Variants in SAP130 observed in about 807,000 individuals in gnomAD.
SAP130 encodes histone deacetylase complex subunit SAP130.
A neutral mutation model predicts 103.2 loss-of-function variants in SAP130; 16 were observed. The observed-to-expected ratio is 0.16, with a 90% CI of 0.10 to 0.24. The LOEUF (loss-of-function observed/expected upper bound fraction) is 0.24, where lower values mean the gene tolerates loss of function less well. SAP130 is among the 10% of genes least tolerant of loss of function. The pLI, the probability that SAP130 is intolerant of heterozygous loss-of-function variation, is 1.00. For missense variants in SAP130, 990 were observed against 1,359.7 expected, an observed-to-expected ratio of 0.73 and a Z score of 4.28; for synonymous variants, 477 against 497.0, an observed-to-expected ratio of 0.96 and a Z score of 0.53.
chr2:127,983,587 A>G (rs1682121427), intron 14 of SAP130, among the ~76,000 whole-genome samples: 1 of 152,120 alleles, frequency 6.6e-6, no homozygotes, highest in African/African-American at 2.4e-5. Flanking sequence ...AGAAGAGACA[A>G]GGGCACTGGG....
chr2:128,024,373 G>A (rs573954442), intron 2 of SAP130, among the ~76,000 whole-genome samples: 5 of 151,868 alleles, frequency 3.3e-5, no homozygotes, highest in Non-Finnish European at 7.4e-5. Flanking sequence ...AAATGAGGCT[G>A]GAACATTAGA....
At chr2:127,960,556 ACATTTACTTATAT>A (rs1338048223) in intron 15 of SAP130, among the ~76,000 whole-genome samples, 4 of 152,244 alleles carry the variant, frequency 2.6e-5, no homozygotes, top group Admixed American at 2.6e-4. Flanking sequence ...TAAAAAAATT[ACATTTACTTATAT>A]TGACAGCTAT....
At chr2:127,999,111 A>G (rs990508734) in intron 10 of SAP130, among the ~76,000 whole-genome samples, 2 of 152,204 alleles carry the variant, frequency 1.3e-5, no homozygotes, top group Non-Finnish European at 2.9e-5. Flanking sequence ...AAAAGACCCA[A>G]TAGTAGCACC....
At chr2:128,008,081 G>A (rs1684099396) in intron 7 of SAP130, among the ~76,000 whole-genome samples, 2 of 152,096 alleles carry the variant, frequency 1.3e-5, no homozygotes, top group South Asian at 4.1e-4. Flanking sequence ...TAGCTGACAG[G>A]TCCTAGTGGT....
intron 4 of SAP130, among the ~76,000 whole-genome samples, 181 bp from the exon 5 acceptor site, chr2:128,015,095 C>CTA (rs1259712233): frequency 6.6e-6 from 1 of 152,108 alleles, no homozygotes. Context: ...ATGAACTGTG[C>CTA]TAACAGGCAT....
At chr2:127,983,301 T>C (rs1438923195) in intron 14 of SAP130, among the ~76,000 whole-genome samples, 4 of 152,262 alleles carry the variant, frequency 2.6e-5, no homozygotes, top group African/African-American at 7.2e-5. Flanking sequence ...TTGAATTTTA[T>C]AATGGATACT....
At chr2:128,017,653 G>C in intron 3 of SAP130, 27 bp downstream of exon 3, 2 of 1,575,202 alleles carry the variant, frequency 1.3e-6, no homozygotes. Context: ...CTCTGGTTCA[G>C]TGTGAAGTTT....
chr2:127,984,871 T>C (rs1573742000), intron 14 of SAP130, among the ~76,000 whole-genome samples: 1 of 152,166 alleles, frequency 6.6e-6, no homozygotes, highest in African/African-American at 2.4e-5. Context: ...AGGTAGAAAA[T>C]GGGATTCTGG....
rs1682453748 is a variant in SAP130 at position 127,987,037 on chromosome 2, G to C, written c.1781-75C>G. 2.3e-6 allele frequency: 3 copies of C among 1,309,178 alleles called. No individual in the cohort carries two copies. The South Asian group carries it at 3.9e-5, about 17-fold the overall frequency. The allele number at this position is 1,309,178 out of a possible 1,614,324, so 81.1% of individuals were successfully genotyped here. A position where few individuals can be genotyped will look rare whatever the true frequency, so the allele number is the denominator to read the frequency against. On this transcript the variant is annotated intron_variant, in intron 13 of 20. Transcript: ENST00000643581. The stretch of plus-strand genomic sequence containing the variant: ...TGCCATAGAAGACATAAATAAAAAT[G>C]ATGAGACCACTAGAATTAGGTATCC...
Position 127,955,351 on chromosome 2 carries a change from C to T in SAP130, c.2064-7G>A. The T allele has an allele frequency of 6.5e-7, 1 of 1,536,952 alleles. No homozygotes were observed. The highest frequency in any genetic ancestry group is 8.8e-7 in the Non-Finnish European group (1 of 1,139,598). Reference sequence around the variant, plus strand: ...TTCAGACTTGGGTTTGGCACTAAAACACAAAAGAAAAGCACATGTAGCAAA... The same window carrying T: ...TTCAGACTTGGGTTTGGCACTAAAATACAAAAGAAAAGCACATGTAGCAAA... On this transcript the variant is annotated splice_polypyrimidine_tract_variant and splice_region_variant and intron_variant, in intron 15 of 20. Transcript: ENST00000643581. The surrounding 1 kb of genome is among the most constrained non-coding windows in gnomAD (Gnocchi z 4.9).
At chr2:127,972,168 G>C (rs1176952728) in intron 15 of SAP130, among the ~76,000 whole-genome samples, 1 of 152,176 alleles carries the variant, frequency 6.6e-6, no homozygotes, top group East Asian at 1.9e-4. Flanking sequence ...GCAAATCCAA[G>C]AAAGAGTCTA....
intron 2 of SAP130, among the ~76,000 whole-genome samples, chr2:128,022,453 T>A (rs1685224057): frequency 6.6e-6 from 1 of 152,268 alleles, no homozygotes. Flanking sequence ...ACATATATTT[T>A]CATTTACCTT....
Position 127,947,918 on chromosome 2 carries a change from T to C in SAP130, c.2797+1951A>G, listed in dbSNP as rs924683859. Among the ~76,000 whole-genome samples the C allele has an allele frequency of 5.9e-5, 9 of 152,102 alleles. 1 individual carries two copies. The highest frequency in any genetic ancestry group is 1.2e-4 in the Non-Finnish European group (8 of 68,016). The stretch of plus-strand genomic sequence containing the variant: ...AATTCTCCTGCCTCAGCCTCCTGAA[T>C]AGTTGAAATTACAGGTGTGTACCAC... On this transcript the variant is annotated intron_variant, in intron 18 of 20. Transcript: ENST00000643581.
intron 15 of SAP130, among the ~76,000 whole-genome samples, chr2:127,971,743 A>G (rs1330415474): frequency 6.6e-6 from 1 of 152,026 alleles, no homozygotes; most frequent in African/African-American, 2.4e-5. Context: ...AGTCTTTTGT[A>G]TTTGAACTTT....
intron 14 of SAP130, among the ~76,000 whole-genome samples, chr2:127,982,740 T>G (rs1393454307): frequency 6.6e-6 from 1 of 152,194 alleles, no homozygotes; most frequent in African/African-American, 2.4e-5. Flanking sequence ...AAGTCTGGTT[T>G]TGACAAAGCG....
chr2:127,968,910 T>TTTTG (rs1257864947), intron 15 of SAP130, among the ~76,000 whole-genome samples: 2 of 152,130 alleles, frequency 1.3e-5, no homozygotes, highest in African/African-American at 2.4e-5. Flanking sequence ...CCAACATCAG[T>TTTTG]TTTGCAGATG....
At chr2:128,023,086 C>T (rs1685262962) in intron 2 of SAP130, among the ~76,000 whole-genome samples, 1 of 151,974 alleles carries the variant, frequency 6.6e-6, no homozygotes, top group Non-Finnish European at 1.5e-5. Flanking sequence ...CTCTGCCTCC[C>T]AAAGTTCAAG....
intron 6 of SAP130, among the ~76,000 whole-genome samples, chr2:128,010,829 G>A (rs534761601): frequency 8.7e-5 from 13 of 148,694 alleles, no homozygotes; most frequent in South Asian, 6.3e-4. Flanking sequence ...GCACCATTGC[G>A]CTCCAGCTTG....
chr2:127,960,831 GAAT>G (rs1311319143), intron 15 of SAP130, among the ~76,000 whole-genome samples: 1 of 152,046 alleles, frequency 6.6e-6, no homozygotes, highest in Non-Finnish European at 1.5e-5. Flanking sequence ...CTGAATTCTA[GAAT>G]ATTAAGATGT....
Sources: allele counts gnomAD v4.1 joint callset (sites outside exome capture counted in the v4.1 genomes callset), GRCh38; gene constraint gnomAD v4.1.1; non-coding constraint Gnocchi (gnomAD v3.1); transcripts MANE v1.5; gene names NCBI Gene and HGNC (gene_info 2026-07-23, HGNC 2026-07-21).